The following ZNF385B variants were observed in gnomAD, a reference collection of about 807,000 sequenced individuals.
ZNF385B encodes the protein zinc finger protein 533.
ZNF385B carries 23 observed loss-of-function variants against 39.2 expected under a neutral mutation model. That is an observed-to-expected ratio of 0.59 (90% CI 0.42 to 0.83). The LOEUF is 0.83. Among genes scored for constraint, ZNF385B ranks in the 40% least tolerant of loss-of-function variants. The pLI, the probability that ZNF385B is intolerant of heterozygous loss-of-function variation, is 0.00. For synonymous variants in ZNF385B, 205 were observed against 222.6 expected (o/e 0.92, Z 0.70); for missense variants, 552 against 598.9 (o/e 0.92, Z 0.82).
intron 1 of ZNF385B, among the ~76,000 whole-genome samples, chr2:179,796,534 G>A (rs1444224763): frequency 1.3e-5 from 2 of 152,126 alleles, no homozygotes; most frequent in East Asian, 3.9e-4. Flanking sequence ...AGAAAAATGT[G>A]AAAACTAAAA....
At chr2:179,481,931 A>G (rs745669734) in intron 6 of ZNF385B, among the ~76,000 whole-genome samples, 2 of 152,224 alleles carry the variant, frequency 1.3e-5, no homozygotes, top group Non-Finnish European at 2.9e-5. Context: ...TTGATTAAAG[A>G]CTAATTAGAT....
At chr2:179,793,583 C>T (rs1307558417) in intron 1 of ZNF385B, among the ~76,000 whole-genome samples, 6 of 152,216 alleles carry the variant, frequency 3.9e-5, no homozygotes, top group Non-Finnish European at 7.3e-5. Flanking sequence ...TCATGTAAGA[C>T]GTGCCTGCTT....
intron 3 of ZNF385B, among the ~76,000 whole-genome samples, chr2:179,716,816 T>C (rs1279307613): frequency 1.3e-5 from 2 of 152,170 alleles, no homozygotes; most frequent in African/African-American, 2.4e-5. Context: ...AAGGCCACCA[T>C]GCAGTAAGGA....
Position 179,706,487 on chromosome 2 carries a change from T to C in ZNF385B, c.298+63016A>G, listed in dbSNP as rs184485878. On this transcript the variant is annotated intron_variant, in intron 3 of 9. Coordinates refer to ENST00000410066, the MANE Select transcript of ZNF385B (RefSeq NM_152520.6). The stretch of plus-strand genomic sequence containing the variant: ...TCCTATGAGCATCAAGATGATGGGA[T>C]TGGGGAAGGGGAAATCCATGGGGCA... Among the ~76,000 whole-genome samples, 9 of 152,010 alleles carry C rather than the reference T, an allele frequency of 5.9e-5. No homozygotes were observed. In the East Asian group the frequency reaches 1.4e-3, roughly 23 times the overall value.
intron 3 of ZNF385B, among the ~76,000 whole-genome samples, chr2:179,640,746 C>G (rs199860771): frequency 4.6e-5 from 7 of 151,964 alleles, no homozygotes; most frequent in African/African-American, 7.2e-5. Flanking sequence ...CAGGAGGTCC[C>G]GTTTGGTATT....
intron 3 of ZNF385B, among the ~76,000 whole-genome samples, chr2:179,613,076 G>A (rs978560360): frequency 3.3e-5 from 5 of 152,180 alleles, no homozygotes; most frequent in African/African-American, 4.8e-5. Context: ...AATCTTAAGA[G>A]CTCTTCAGTG....
At chr2:179,471,222 A>C (rs917862215) in intron 6 of ZNF385B, among the ~76,000 whole-genome samples, 1 of 152,204 alleles carries the variant, frequency 6.6e-6, no homozygotes, top group African/African-American at 2.4e-5. Flanking sequence ...GAAACTCACA[A>C]TAACATAACA....
chr2:179,443,260 G>A lies in ZNF385B; in HGVS notation c.1451C>T (p.Ala484Val), dbSNP rs1243459503. The change falls in exon 10 of 10, where the codon GCT becomes GTT. Residue 484 changes from alanine (A) to valine (V), a missense_variant. By Grantham distance (64) the Ala-to-Val change is moderately conservative (BLOSUM62 0). Coordinates refer to ENST00000410066, the MANE Select transcript of ZNF385B (RefSeq NM_152520.6). Reference protein sequence around the residue: ...IRATPASILFAPY With the variant: ...IRATPASILFVPY ...TGGGGTTTGCAGACGTTAGTACGGAGCAAAGAGGATGGAGGCAGGAGTGGC... is the reference window on the plus strand; with the variant it reads ...TGGGGTTTGCAGACGTTAGTACGGAACAAAGAGGATGGAGGCAGGAGTGGC... The A allele has an allele frequency of 1.2e-6, 2 of 1,612,380 alleles. No individual in the cohort carries two copies. The highest frequency in any genetic ancestry group is 1.7e-5 in the Admixed American group (1 of 60,032).
At chr2:179,474,302 C>G (rs941720001) in intron 6 of ZNF385B, among the ~76,000 whole-genome samples, 1 of 151,878 alleles carries the variant, frequency 6.6e-6, no homozygotes, top group Admixed American at 6.6e-5. Flanking sequence ...ATGGACAGCC[C>G]GAGTGAGACT....
rs138445829 is a variant in ZNF385B at position 179,834,184 on chromosome 2, C to T, written c.-155+26917G>A. On this transcript the variant is annotated intron_variant, in intron 1 of 9. Transcript: ENST00000410066. ...TGAATAGTACTAAAAGCAATGATAC[C>T]CCCATCCTGGAAGCAATAACATCCC... Among the ~76,000 whole-genome samples, 502 of 151,884 alleles carry T rather than the reference C, an allele frequency of 3.3e-3. 4 individuals carry two copies. Among genetic ancestry groups the T allele is most frequent in the Non-Finnish European group, 5.6e-3 (377 of 67,900 alleles).
chr2:179,495,300 A>T (rs137949591), intron 5 of ZNF385B, among the ~76,000 whole-genome samples: 5 of 152,236 alleles, frequency 3.3e-5, no homozygotes, highest in Middle Eastern at 6.8e-3. Context: ...GGAAGGAAGA[A>T]CTGTATTTTG....
At chr2:179,671,472 G>A (rs1404789424) in intron 3 of ZNF385B, among the ~76,000 whole-genome samples, 1 of 152,104 alleles carries the variant, frequency 6.6e-6, no homozygotes, top group Non-Finnish European at 1.5e-5. Flanking sequence ...AAACACGAAG[G>A]GTGTGGCCAA....
In ZNF385B at chr2:179,503,857, TTTCTTTTTTTTTTTTTCA is replaced by T. The variant is rs1258341798; in HGVS notation, c.552+14653_552+14670del. Among the ~76,000 whole-genome samples the T allele has an allele frequency of 7.4e-5, 11 of 148,206 alleles. No homozygotes were observed. The South Asian group carries it at 2.1e-3, about 28-fold the overall frequency. Reference sequence around the variant, plus strand: ...ATTCCATGGTGTATATGTGCCACATTTTCTTTTTTTTTTTTTCATTCTTTTTTTTTTTTTATACTTTAA... The same window carrying T: ...ATTCCATGGTGTATATGTGCCACATTTTCTTTTTTTTTTTTTATACTTTAA... On this transcript the variant is annotated intron_variant, in intron 5 of 9. Coordinates refer to ENST00000410066, the MANE Select transcript of ZNF385B (RefSeq NM_152520.6).
At chr2:179,788,612 CT>C (rs939149291) in intron 1 of ZNF385B, among the ~76,000 whole-genome samples, 1 of 152,036 alleles carries the variant, frequency 6.6e-6, no homozygotes, top group African/African-American at 2.4e-5. Context: ...GGCCCAATTA[CT>C]GAGAAGAAGG....
At chr2:179,512,613 G>C (rs1468331748) in intron 5 of ZNF385B, among the ~76,000 whole-genome samples, 1 of 152,166 alleles carries the variant, frequency 6.6e-6, no homozygotes, top group African/African-American at 2.4e-5. Context: ...CCATACTGCA[G>C]TTGCAGTATA....
intron 3 of ZNF385B, among the ~76,000 whole-genome samples, chr2:179,614,734 G>C (rs16866857): frequency 0.15 from 22,076 of 152,168 alleles, 1,873 homozygotes; most frequent in East Asian, 0.25. Flanking sequence ...TTGGTCTTCC[G>C]TCAGGGGCTA....
intron 6 of ZNF385B, among the ~76,000 whole-genome samples, chr2:179,450,442 T>C (rs1355146329): frequency 5.9e-5 from 9 of 152,110 alleles, no homozygotes; most frequent in Non-Finnish European, 7.3e-5. Flanking sequence ...GGGCGAAGGA[T>C]ATGAACAGAC....
At chr2:179,718,556 C>T (rs1700479155) in intron 3 of ZNF385B, among the ~76,000 whole-genome samples, 1 of 147,954 alleles carries the variant, frequency 6.8e-6, no homozygotes. Flanking sequence ...ATATTTCTTC[C>T]AGTATAGGAC....
intron 3 of ZNF385B, among the ~76,000 whole-genome samples, chr2:179,716,794 T>A (rs1700357967): frequency 6.6e-6 from 1 of 152,138 alleles, no homozygotes; most frequent in Non-Finnish European, 1.5e-5. Context: ...GTATCAACAA[T>A]CAGATTCTCC....
Sources: gnomAD v4.1 joint callset for allele counts (sites outside exome capture counted in the v4.1 genomes callset) on GRCh38, gnomAD v4.1.1 for gene constraint, MANE v1.5 for transcripts, NCBI Gene and HGNC (gene_info 2026-07-23, HGNC 2026-07-21) for gene names.